Variants in PPP6R2 observed in about 807,000 individuals in gnomAD.
PPP6R2 encodes serine/threonine-protein phosphatase 6 regulatory subunit 2.
A neutral mutation model predicts 100.2 loss-of-function variants in PPP6R2; 62 were observed. That is an observed-to-expected ratio of 0.62 (90% CI 0.50 to 0.76). The LOEUF is 0.76. PPP6R2 is among the 30% of genes least tolerant of loss of function. The probability of loss-of-function intolerance (pLI) is 0.00; values close to 1 mark genes in which losing one functional copy is unlikely to be tolerated. For synonymous variants in PPP6R2, 525 were observed against 514.7 expected, an observed-to-expected ratio of 1.02 and a Z score of -0.27; for missense variants, 1,142 against 1,276.3, an observed-to-expected ratio of 0.89 and a Z score of 1.60.
Position 50,404,441 on chromosome 22 carries a change from A to AGT in PPP6R2, c.228-2246_228-2245dup, listed in dbSNP as rs747996126. Among the ~76,000 whole-genome samples, 9 of 151,916 alleles carry AGT rather than the reference A, an allele frequency of 5.9e-5. No homozygotes were observed. The South Asian group carries it at 1.9e-3, about 32-fold the overall frequency. ...AGTCTTACTCTGCCACCCAGGCTGG[A>AGT]GTGCAGTGGTGTGATCTTGGCTCAC... On this transcript the variant is annotated intron_variant, in intron 3 of 23. Transcript: ENST00000612753.
intron 4 of PPP6R2, among the ~76,000 whole-genome samples, chr22:50,413,312 T>C (rs1398506187): frequency 2.0e-5 from 3 of 152,162 alleles, no homozygotes; most frequent in Non-Finnish European, 4.4e-5. Flanking sequence ...TTACAAAAAC[T>C]GGCATAAAAT....
chr22:50,422,327 G>T lies in PPP6R2; in HGVS notation c.919G>T (p.Gly307Cys). The T allele has an allele frequency of 1.2e-6, 2 of 1,614,060 alleles. No individual in the cohort carries two copies. Among genetic ancestry groups the T allele is most frequent in the Non-Finnish European group, 1.7e-6 (2 of 1,179,988 alleles). Residue 307 changes from glycine (G) to cysteine (C), a missense_variant, in exon 9 of 24, where the codon GGC becomes TGC. Coordinates refer to ENST00000612753, the MANE Select transcript of PPP6R2 (RefSeq NM_001242898.2). ...SYAVSSSVLH[G>C]IEPRLKDFHQ... is the part of the protein sequence containing the mutation. Reference sequence around the variant, plus strand: ...CGCTGTCAGCAGCAGCGTACTACACGGCATCGAGCCTCGGCTGAAGGACTT... The same window carrying T: ...CGCTGTCAGCAGCAGCGTACTACACTGCATCGAGCCTCGGCTGAAGGACTT...
At chr22:50,404,120 A>T (rs577088994) in intron 3 of PPP6R2, among the ~76,000 whole-genome samples, 1 of 129,526 alleles carries the variant, frequency 7.7e-6, no homozygotes, top group Admixed American at 7.9e-5. Context: ...TGGAAACAAG[A>T]GTCTCGCTCT....
At chr22:50,434,945 G>T (rs762319492) in intron 12 of PPP6R2, 21 bp from the exon 13 acceptor site, 1 of 1,593,126 alleles carries the variant, frequency 6.3e-7, no homozygotes. Context: ...AGGCCGCCCC[G>T]ATGGTGCCTG....
chr22:50,393,567 G>C, intron 2 of PPP6R2: 1 of 980,062 alleles, frequency 1.0e-6, no homozygotes, highest in Non-Finnish European at 1.2e-6. Context: ...AAAGGAGGGG[G>C]TTAGCCCAGA....
chr22:50,337,377 G>T, the PPP6R2 span, among the ~76,000 whole-genome samples: 445 of 140,522 alleles, frequency 3.2e-3, 4 homozygotes, highest in South Asian at 8.8e-3. Flanking sequence ...GTGCTGTGTG[G>T]GGGGTGTGTG....
At chr22:50,340,222 GTGTA>G (rs2042356958), upstream of PPP6R2, among the ~76,000 whole-genome samples, 1 of 91,434 alleles carries the variant, frequency 1.1e-5, no homozygotes, top group Non-Finnish European at 2.6e-5. Context: ...GGTATGTGGT[GTGTA>G]TGGTATGTGG....
chr22:50,404,539 C>T (rs2058539123), intron 3 of PPP6R2, among the ~76,000 whole-genome samples: 2 of 152,026 alleles, frequency 1.3e-5, no homozygotes, highest in African/African-American at 2.4e-5. Flanking sequence ...CCTCAGCCTC[C>T]CATGTAGCTG....
At chr22:50,378,516 G>A (rs1304159372) in intron 2 of PPP6R2, among the ~76,000 whole-genome samples, 1 of 151,772 alleles carries the variant, frequency 6.6e-6, no homozygotes, top group African/African-American at 2.4e-5. Flanking sequence ...AACCTGGGAG[G>A]TGGAGGTTGT....
Position 50,439,986 on chromosome 22 carries a change from T to C in PPP6R2, c.2311T>C (p.Ser771Pro). ...CCSESGPRCS[S>P]PVDTECSHAE... ...CTCCGAGTCAGGGCCCAGGTGCAGCTCTCCGGTGGACACAGAATGCAGCCA... is the reference window on the plus strand; with the variant it reads ...CTCCGAGTCAGGGCCCAGGTGCAGCCCTCCGGTGGACACAGAATGCAGCCA... Residue 771 changes from serine (S) to proline (P), a missense_variant, in exon 21 of 24, where the codon TCT (serine) becomes CCT (proline). Transcript: ENST00000612753. 4 of 1,613,508 alleles carry C rather than the reference T, an allele frequency of 2.5e-6. No individual in the cohort carries two copies. Among genetic ancestry groups the C allele is most frequent in the Non-Finnish European group, 3.4e-6 (4 of 1,179,922 alleles).
chr22:50,392,762 G>A (rs56067900), intron 2 of PPP6R2, among the ~76,000 whole-genome samples: 33,914 of 152,080 alleles, frequency 0.22, 4,238 homozygotes, highest in South Asian at 0.37. Flanking sequence ...GACATCAAGT[G>A]AGTTTGAATT....
chr22:50,375,831 G>GTTTTTTTTTTTTT (rs2051379577), intron 2 of PPP6R2, among the ~76,000 whole-genome samples: 1 of 64,566 alleles, frequency 1.5e-5, no homozygotes. Flanking sequence ...AATCCCTGCA[G>GTTTTTTTTTTTTT]ATTTTTTTTT....
At chr22:50,417,174 C>T (rs959901569) in intron 6 of PPP6R2, among the ~76,000 whole-genome samples, 1 of 152,144 alleles carries the variant, frequency 6.6e-6, no homozygotes, top group Non-Finnish European at 1.5e-5. Context: ...AGGCCAGCTC[C>T]ATGGTCACAG....
chr22:50,370,437 G>C (rs904095513), intron 1 of PPP6R2, among the ~76,000 whole-genome samples: 1 of 151,410 alleles, frequency 6.6e-6, no homozygotes, highest in Admixed American at 6.6e-5. Flanking sequence ...ACAGGCGCCT[G>C]CCACCACGCC....
At chr22:50,340,685 C>G (rs2042362923), upstream of PPP6R2, among the ~76,000 whole-genome samples, 1 of 151,630 alleles carries the variant, frequency 6.6e-6, no homozygotes, top group African/African-American at 2.4e-5. Flanking sequence ...GTCAAGGTCC[C>G]AGAGGCCACT....
the PPP6R2 span, among the ~76,000 whole-genome samples, chr22:50,337,693 T>C: frequency 0.015 from 1,687 of 110,180 alleles, 41 homozygotes; most frequent in African/African-American, 0.066. Flanking sequence ...ATATGTGGTG[T>C]GGTGTGTGTG....
chr22:50,428,837 C>T (rs2062644864), intron 10 of PPP6R2, among the ~76,000 whole-genome samples: 1 of 152,032 alleles, frequency 6.6e-6, no homozygotes, highest in Non-Finnish European at 1.5e-5. Context: ...ATTGCTCTGG[C>T]TGGGACTGCT....
the PPP6R2 span, among the ~76,000 whole-genome samples, chr22:50,338,211 T>G: frequency 2.9e-5 from 4 of 137,414 alleles, no homozygotes; most frequent in South Asian, 2.3e-4. Context: ...GTGTCGGGGG[T>G]GTGTGTGGTG....
intron 2 of PPP6R2, among the ~76,000 whole-genome samples, chr22:50,374,100 T>C (rs922571320): frequency 6.6e-6 from 1 of 152,164 alleles, no homozygotes; most frequent in Non-Finnish European, 1.5e-5. Flanking sequence ...TCCAGACTGG[T>C]CTTGAACTCC....
Sources: gnomAD v4.1 joint callset for allele counts (sites outside exome capture counted in the v4.1 genomes callset) on GRCh38, gnomAD v4.1.1 for gene constraint, MANE v1.5 for transcripts, NCBI Gene and HGNC (gene_info 2026-07-23, HGNC 2026-07-21) for gene names.